Variants in CDK8 observed in about 807,000 individuals in gnomAD.
CDK8 encodes cyclin-dependent kinase 8.
CDK8 carries 29 observed loss-of-function variants against 71.5 expected under a neutral mutation model. The observed-to-expected ratio is 0.41, with a 90% confidence interval of 0.30 to 0.55. The LOEUF is 0.55. Among genes scored for constraint, CDK8 ranks in the 20% least tolerant of loss-of-function variants. CDK8 has a pLI of 0.37. For missense variants in CDK8, 288 were observed against 572.6 expected, an observed-to-expected ratio of 0.50 and a Z score of 5.07; for synonymous variants, 161 against 192.1, an observed-to-expected ratio of 0.84 and a Z score of 1.34.
intron 1 of CDK8, among the ~76,000 whole-genome samples, chr13:26,287,584 G>A (rs1054538188): frequency 1.3e-5 from 2 of 152,150 alleles, no homozygotes; most frequent in African/African-American, 2.4e-5. Context: ...AAGGTGGGGA[G>A]GGGCTAGGGA....
rs373153227 is a variant in CDK8, at chr13:26,258,799, G to C, written c.128+4030G>C. ...ACCACTAAAAAATTTTACTTTAGAT[G>C]ATGGTGCATTTCCATATTTTTTAGT... On this transcript the variant is annotated intron_variant, in intron 1 of 12. Transcript: ENST00000381527. Among the ~76,000 whole-genome samples the C allele has an allele frequency of 2.0e-4, 31 of 152,252 alleles. No individual in the cohort carries two copies. The East Asian group carries it at 4.8e-3, about 24-fold the overall frequency.
chr13:26,258,872 C>T (rs1871646517), intron 1 of CDK8, among the ~76,000 whole-genome samples: 1 of 152,114 alleles, frequency 6.6e-6, no homozygotes, highest in Non-Finnish European at 1.5e-5. Context: ...AGCTTGGTAA[C>T]TCCCAAAGAC....
At chr13:26,297,215 T>G (rs1040163726) in intron 1 of CDK8, among the ~76,000 whole-genome samples, 1 of 152,210 alleles carries the variant, frequency 6.6e-6, no homozygotes, top group South Asian at 2.1e-4. Flanking sequence ...TCACTCTGAT[T>G]GTATGCTTTG....
chr13:26,339,754 A>ATATTTATATAT (rs66521623), intron 2 of CDK8, among the ~76,000 whole-genome samples: 1 of 129,350 alleles, frequency 7.7e-6, no homozygotes. Flanking sequence ...ACTTAAAAAA[A>ATATTTATATAT]AAATATATAT....
intron 1 of CDK8, among the ~76,000 whole-genome samples, chr13:26,261,675 A>G (rs1871777768): frequency 6.6e-6 from 1 of 152,206 alleles, no homozygotes; most frequent in Non-Finnish European, 1.5e-5. Context: ...ATTGCATTGT[A>G]TAGATATACC....
intron 1 of CDK8, among the ~76,000 whole-genome samples, chr13:26,304,785 C>T (rs1873968863): frequency 6.6e-6 from 1 of 151,654 alleles, no homozygotes; most frequent in African/African-American, 2.4e-5. Flanking sequence ...TACAGGTGCA[C>T]ACTACCATAC....
intron 6 of CDK8, 36 bp from the exon 7 acceptor site, chr13:26,393,331 T>G: frequency 7.2e-7 from 1 of 1,380,604 alleles, no homozygotes; most frequent in East Asian, 2.4e-5. Flanking sequence ...TCCTTGCCTA[T>G]TTTTCTTTCT....
chr13:26,340,490 C>T (rs1330027661), intron 2 of CDK8, among the ~76,000 whole-genome samples: 1 of 151,774 alleles, frequency 6.6e-6, no homozygotes, highest in Non-Finnish European at 1.5e-5. Flanking sequence ...GCTAATGGTA[C>T]GTAGGGGTTT....
Position 26,393,402 on chromosome 13 carries a change from C to T in CDK8, c.682C>T (p.Leu228=). The T allele has an allele frequency of 6.2e-7, 1 of 1,608,868 alleles. No homozygotes were observed. Among genetic ancestry groups the T allele is most frequent in the Non-Finnish European group, 8.5e-7 (1 of 1,176,722 alleles). Residue 228 remains leucine (L), a synonymous_variant, in exon 7 of 13, where the codon CTA becomes TTA. Coordinates refer to ENST00000381527, the MANE Select transcript of CDK8 (RefSeq NM_001260.3). The part of the protein sequence containing the change: ...WAIGCIFAEL[L]TSEPIFHCRQ... ...TATAGGGTGTATATTTGCAGAACTA[C>T]TAACGTCAGAACCAATATTTCACTG...
intron 6 of CDK8, 105 bp downstream of exon 6, chr13:26,385,447 A>G: frequency 1.0e-6 from 1 of 960,422 alleles, no homozygotes. Flanking sequence ...TATAAAAGTA[A>G]GAGCAGACTG....
In CDK8 at chr13:26,363,026, A is replaced by G. The variant is rs890338669; in HGVS notation, c.456+9146A>G. 1.7e-4 allele frequency among the ~76,000 whole-genome samples: 26 copies of G among 150,294 alleles called. 1 individual carries two copies. Among genetic ancestry groups the G allele is most frequent in the Non-Finnish European group, 3.0e-5 (2 of 67,772 alleles). On this transcript the variant is annotated intron_variant, in intron 4 of 12. Transcript: ENST00000381527. ...TTTTTTTTAATTTTCAAGTTCAATT[A>G]CAAGATTGTATAGAAATTTGGAGTA...
chr13:26,331,795 C>T (rs999440168), intron 1 of CDK8, among the ~76,000 whole-genome samples: 2 of 152,020 alleles, frequency 1.3e-5, no homozygotes, highest in East Asian at 1.9e-4. Flanking sequence ...ACTATTGGGG[C>T]TCTTTTTTGG....
chr13:26,285,895 C>CATATTGCTGTTGTAATAAATTGCTGT (rs1872993287), intron 1 of CDK8, among the ~76,000 whole-genome samples: 1 of 151,844 alleles, frequency 6.6e-6, no homozygotes, highest in Admixed American at 6.6e-5. Context: ...ACAACAGCTG[C>CATATTGCTGTTGTAATAAATTGCTGT]AATAAATAAA....
rs1033092497 is a variant in CDK8, at chr13:26,401,144, G to T, written c.1032-125G>T. On this transcript the variant is annotated intron_variant, in intron 10 of 12. Coordinates refer to ENST00000381527, the MANE Select transcript of CDK8 (RefSeq NM_001260.3). This position sits in a 1 kb window ranked among gnomAD's most constrained non-coding sequence, Gnocchi z 4.5. ...TCGTTTTGTCACAGTTACATGAAAG[G>T]TGCTTATATTTGCAAATATGGAGAC... 6.1e-5 allele frequency: 44 copies of T among 716,362 alleles called. No individual in the cohort carries two copies. The East Asian group carries it at 1.0e-3, about 17-fold the overall frequency. The allele number at this position is 716,362 out of a possible 1,614,324, so 44.4% of individuals were successfully genotyped here.
At chr13:26,376,459 C>T (rs1264619152) in intron 4 of CDK8, among the ~76,000 whole-genome samples, 1 of 152,088 alleles carries the variant, frequency 6.6e-6, no homozygotes, top group Non-Finnish European at 1.5e-5. Context: ...TGAAAAAAAT[C>T]CATTTCCATC....
intron 1 of CDK8, among the ~76,000 whole-genome samples, chr13:26,311,073 G>T: frequency 6.9e-6 from 1 of 145,890 alleles, no homozygotes. Context: ...TTAGGAAGCT[G>T]GTGTCTTATA....
chr13:26,348,857 T>C (rs1873572714), intron 2 of CDK8, among the ~76,000 whole-genome samples: 1 of 152,144 alleles, frequency 6.6e-6, no homozygotes, highest in East Asian at 1.9e-4. Flanking sequence ...AACAACAAAA[T>C]AGATTTACTC....
chr13:26,264,261 C>T (rs760405689), intron 1 of CDK8, among the ~76,000 whole-genome samples: 1 of 145,600 alleles, frequency 6.9e-6, no homozygotes, highest in Non-Finnish European at 1.5e-5. Context: ...CTTTAGCTGC[C>T]GTTCTTTTTT....
At chr13:26,403,758 A>G (rs529761414) in intron 12 of CDK8, among the ~76,000 whole-genome samples, 198 bp from the exon 13 acceptor site, 97 of 152,342 alleles carry the variant, frequency 6.4e-4, no homozygotes, top group Middle Eastern at 3.4e-3. Context: ...ATTATTTACT[A>G]GCAATATTTC....
Sources: gnomAD v4.1 joint callset for allele counts (sites outside exome capture counted in the v4.1 genomes callset) on GRCh38, gnomAD v4.1.1 for gene constraint, Gnocchi (gnomAD v3.1) non-coding constraint, MANE v1.5 for transcripts, NCBI Gene and HGNC (gene_info 2026-07-23, HGNC 2026-07-21) for gene names.